Variants in XPA observed in about 807,000 individuals in gnomAD.
The protein encoded by XPA is XPA, DNA damage recognition and repair factor.
In XPA, 27 loss-of-function variants were observed where a neutral mutation model predicts 35.7. The ratio of observed to expected loss-of-function variants is 0.76; its 90% CI spans 0.56 to 1.04. The LOEUF (loss-of-function observed/expected upper bound fraction) is 1.04. XPA is among the 50% of genes least tolerant of loss of function. The probability of loss-of-function intolerance (pLI) is 0.00; values close to 1 mark genes in which losing one functional copy is unlikely to be tolerated. For synonymous variants in XPA, 133 were observed against 118.4 expected (o/e 1.12, Z -0.80); for missense variants, 354 against 342.7 (o/e 1.03, Z -0.26).
intron 3 of XPA, among the ~76,000 whole-genome samples, chr9:97,688,948 T>A (rs1386686434): frequency 6.6e-6 from 1 of 152,076 alleles, no homozygotes; most frequent in Non-Finnish European, 1.5e-5. Context: ...CAACACAGCA[T>A]TTGGCTGAGT....
chr9:97,661,254 T>C, the XPA span, among the ~76,000 whole-genome samples: 12 of 152,340 alleles, frequency 7.9e-5, no homozygotes, highest in Admixed American at 7.8e-4. Flanking sequence ...ATTTCTGTGA[T>C]ATAGCTTACT....
intron 3 of XPA, among the ~76,000 whole-genome samples, chr9:97,687,726 TGGG>T (rs3176676): frequency 7.2e-5 from 11 of 152,042 alleles, no homozygotes; most frequent in Non-Finnish European, 1.5e-4. Context: ...AAAGGGGTAA[TGGG>T]GGAGAGACCA....
At chr9:97,676,687 T>TTAAGA (rs1225925525) in intron 5 of XPA, among the ~76,000 whole-genome samples, 2 of 152,132 alleles carry the variant, frequency 1.3e-5, no homozygotes, top group East Asian at 1.9e-4. Flanking sequence ...TCACAACCCT[T>TTAAGA]TAAGATAAGT....
At chr9:97,662,205 G>A in the XPA span, 41 of 1,216,808 alleles carry the variant, frequency 3.4e-5, no homozygotes, top group Admixed American at 1.2e-4. Context: ...AACACCAGTG[G>A]TATGGTAATT....
rs768702767 is a variant in XPA at position 97,697,207 on chromosome 9, T to C, written c.86A>G (p.Glu29Gly). 1.6e-5 allele frequency: 26 copies of C among 1,600,684 alleles called. No homozygotes were observed. The highest frequency in any genetic ancestry group is 2.2e-5 in the East Asian group (1 of 44,656). Reference sequence around the variant, plus strand: ...CATCAGTGCCCGCTGCCGCTTCCGCTCGATACTCGCCCGCACCGAGGCAGG... The same window carrying C: ...CATCAGTGCCCGCTGCCGCTTCCGCCCGATACTCGCCCGCACCGAGGCAGG... The part of the protein sequence containing the change: ...ELPASVRASI[E>G]RKRQRALMLR... The change falls in exon 1 of 6, where the codon GAG (glutamate) becomes GGG (glycine). Residue 29 changes from glutamate to glycine, a missense_variant. By Grantham distance (98) the Glu-to-Gly change is moderately conservative (BLOSUM62 -2). Coordinates refer to ENST00000375128, the MANE Select transcript of XPA (RefSeq NM_000380.4).
downstream of XPA, among the ~76,000 whole-genome samples, chr9:97,674,612 C>G (rs975903586): frequency 6.6e-6 from 1 of 152,066 alleles, no homozygotes; most frequent in East Asian, 1.9e-4. Context: ...GATGCAGATG[C>G]CTGCGGTGAT....
the XPA span, chr9:97,654,963 T>TGCTGA: frequency 6.5e-7 from 1 of 1,546,012 alleles, no homozygotes; most frequent in Non-Finnish European, 8.7e-7. Flanking sequence ...ATCGCTTTAC[T>TGCTGA]GCTGAGCTGA....
chr9:97,674,029 G>A (rs61048652), downstream of XPA, among the ~76,000 whole-genome samples: 22,778 of 152,118 alleles, frequency 0.15, 1,843 homozygotes, highest in Non-Finnish European at 0.17. Context: ...CCTTTGAGAT[G>A]ATTATGCCCT....
At chr9:97,664,289 A>C in the XPA span, 3 of 1,117,986 alleles carry the variant, frequency 2.7e-6, no homozygotes, top group Non-Finnish European at 4.0e-6. Context: ...GCACATATAT[A>C]TGTGTGTGTA....
chr9:97,662,142 A>T, the XPA span: 2 of 1,609,620 alleles, frequency 1.2e-6, no homozygotes, highest in African/African-American at 2.7e-5. Context: ...GTGCTCTTGC[A>T]AAGTATGTAT....
chr9:97,681,587 A>G (rs949003942), intron 5 of XPA, among the ~76,000 whole-genome samples: 2 of 152,218 alleles, frequency 1.3e-5, no homozygotes, highest in Admixed American at 1.3e-4. Flanking sequence ...ACCAGTATGG[A>G]ATAAGAGAAA....
chr9:97,664,079 T>G, the XPA span, among the ~76,000 whole-genome samples: 1 of 151,870 alleles, frequency 6.6e-6, no homozygotes, highest in Non-Finnish European at 1.5e-5. Flanking sequence ...CTCAGGAGGT[T>G]GAGGCAGGAG....
At chr9:97,661,039 T>C in the XPA span, 10 of 1,612,772 alleles carry the variant, frequency 6.2e-6, no homozygotes, top group Non-Finnish European at 8.5e-6. Flanking sequence ...CTGAAAGATG[T>C]ACCAAATCCT....
At position 97,681,199 on chromosome 9, in the gene XPA, G is replaced by A. The variant is rs1343911274; in HGVS notation, c.673+3724C>T. ...ATGGAAACCCAATGCTGCTTCTGAG[G>A]TAAATTTAAAAGACAACTAGCTGCG... On this transcript the variant is annotated intron_variant, in intron 5 of 5. Transcript: ENST00000375128. Among the ~76,000 whole-genome samples, 5 of 152,148 alleles carry A rather than the reference G, an allele frequency of 3.3e-5. No homozygotes were observed. In the East Asian group the frequency reaches 9.6e-4, roughly 29 times the overall value.
chr9:97,694,838 A>C (rs187766490), intron 1 of XPA, among the ~76,000 whole-genome samples: 1 of 152,248 alleles, frequency 6.6e-6, no homozygotes, highest in African/African-American at 2.4e-5. Flanking sequence ...TAACAGCCCC[A>C]AAGTGGAAAC....
intron 5 of XPA, among the ~76,000 whole-genome samples, chr9:97,677,531 A>C (rs528398306): frequency 6.6e-6 from 1 of 151,974 alleles, no homozygotes; most frequent in Admixed American, 6.6e-5. Context: ...ATAAAAAATT[A>C]AAAAAATTTT....
the XPA span, among the ~76,000 whole-genome samples, chr9:97,657,885 G>GCGCTCTCT: frequency 8.8e-6 from 1 of 114,028 alleles, no homozygotes; most frequent in African/African-American, 3.6e-5. Context: ...GCCCCGGTAA[G>GCGCTCTCT]CTCTCTCTCT....
chr9:97,662,068 A>G, the XPA span: 1 of 1,613,764 alleles, frequency 6.2e-7, no homozygotes, highest in Non-Finnish European at 8.5e-7. Flanking sequence ...TAACCCATTG[A>G]AAATAGAAGT....
intron 5 of XPA, among the ~76,000 whole-genome samples, chr9:97,678,229 C>T (rs544615627): frequency 6.6e-6 from 1 of 152,124 alleles, no homozygotes; most frequent in South Asian, 2.1e-4. Flanking sequence ...GGTGAAACCC[C>T]ATCTCTACTG....
Sources: allele counts gnomAD v4.1 joint callset (sites outside exome capture counted in the v4.1 genomes callset), GRCh38; gene constraint gnomAD v4.1.1; transcripts MANE v1.5; gene names NCBI Gene and HGNC (gene_info 2026-07-23, HGNC 2026-07-21).